The following WDR18 variants were observed in gnomAD, a reference collection of about 807,000 sequenced individuals.
WDR18 encodes the protein WD repeat domain 18, also known as WD repeat-containing protein 18.
A neutral mutation model predicts 49.6 loss-of-function variants in WDR18; 33 were observed. The observed-to-expected ratio is 0.67, with a 90% CI of 0.50 to 0.89. The LOEUF is 0.89. Ranked by LOEUF, WDR18 falls within the 40% of genes least tolerant of loss-of-function variation. WDR18 has a pLI of 0.00. For synonymous variants in WDR18, 315 were observed against 263.6 expected, an observed-to-expected ratio of 1.19 and a Z score of -1.89; for missense variants, 653 against 593.6, an observed-to-expected ratio of 1.10 and a Z score of -1.04.
At chr19:984,272 G>A, upstream of WDR18, 4 of 1,362,706 alleles carry the variant, frequency 2.9e-6, no homozygotes, top group South Asian at 1.7e-5. Context: ...TGGGGCCGCG[G>A]GGCCGCCGCT....
At chr19:985,832 A>G (rs762995049) in intron 1 of WDR18, 33 bp from the exon 2 acceptor site, 7 of 1,608,742 alleles carry the variant, frequency 4.4e-6, no homozygotes, top group Admixed American at 3.3e-5. Flanking sequence ...CGTGTCCTGC[A>G]TGGGGCTCAC....
At chr19:989,575 C>T (rs982742216) in intron 2 of WDR18, among the ~76,000 whole-genome samples, 187 bp from the exon 3 acceptor site, 1 of 152,190 alleles carries the variant, frequency 6.6e-6, no homozygotes, top group Non-Finnish European at 1.5e-5. Flanking sequence ...CAGGCAGGGG[C>T]GCGACGAGGC....
At chr19:987,829 G>GTTTTTTTTTTTTTTGTTTTGTTTTTTT (rs2038490879) in intron 2 of WDR18, among the ~76,000 whole-genome samples, 1 of 91,822 alleles carries the variant, frequency 1.1e-5, no homozygotes, top group African/African-American at 5.3e-5. Context: ...GCCGCCTCCA[G>GTTTTTTTTTTTTTTGTTTTGTTTTTTT]TTTTTTTTTT....
intron 2 of WDR18, among the ~76,000 whole-genome samples, chr19:988,217 C>T (rs2038497146): frequency 1.3e-5 from 2 of 152,098 alleles, no homozygotes; most frequent in Admixed American, 1.3e-4. Context: ...CTCCACTGTA[C>T]CCCCCTGCCA....
chr19:984,589 G>A, intron 1 of WDR18, 26 bp downstream of exon 1: 1 of 1,399,638 alleles, frequency 7.1e-7, no homozygotes, highest in East Asian at 3.0e-5. Flanking sequence ...CTCGCTGCTG[G>A]GGTCATGGGG....
Position 994,369 on chromosome 19 carries a change from G to A in WDR18, c.*25G>A, listed in dbSNP as rs765319602. 8.9e-5 allele frequency: 141 copies of A among 1,589,740 alleles called. No homozygotes were observed. Among genetic ancestry groups the A allele is most frequent in the Non-Finnish European group, 1.1e-4 (128 of 1,170,788 alleles). On this transcript the variant is annotated 3_prime_UTR_variant, in exon 10 of 10. Transcript: ENST00000585809. ...AGGCCCGGAGACCCCGGCCCGAGGC[G>A]CCCAGGCCTGAGCCCCATGCCTCCC...
At chr19:989,353 A>C (rs1366819996) in intron 2 of WDR18, among the ~76,000 whole-genome samples, 1 of 151,936 alleles carries the variant, frequency 6.6e-6, no homozygotes, top group Non-Finnish European at 1.5e-5. Flanking sequence ...TCAGGCCACC[A>C]CAGCCTGCCC....
chr19:991,886 C>T lies in WDR18; in HGVS notation c.932-69C>T, dbSNP rs1327477541. The T allele has an allele frequency of 1.8e-5, 24 of 1,319,828 alleles. No homozygotes were observed. In the African/African-American group the frequency reaches 2.9e-4, roughly 16 times the overall value. 81.8% of individuals were successfully genotyped at this position (1,319,828 alleles called of 1,614,324 possible). A position where few individuals can be genotyped will look rare whatever the true frequency, so the allele number is the denominator to read the frequency against. Reference sequence around the variant, plus strand: ...GGGGCGGGGACTGCCCTGGATGGGGCGGAACTTGGCTTGCTGTGGGGTGGG... The same window carrying T: ...GGGGCGGGGACTGCCCTGGATGGGGTGGAACTTGGCTTGCTGTGGGGTGGG... On this transcript the variant is annotated intron_variant, in intron 7 of 9. Transcript: ENST00000585809.
intron 8 of WDR18, among the ~76,000 whole-genome samples, chr19:992,829 G>A (rs560465390): frequency 1.6e-4 from 24 of 152,362 alleles, no homozygotes; most frequent in African/African-American, 5.1e-4. Flanking sequence ...AGCTGCCTGC[G>A]TCCTTGGTGT....
Position 994,372 on chromosome 19 carries a change from C to G in WDR18, c.*28C>G. On this transcript the variant is annotated 3_prime_UTR_variant, in exon 10 of 10. Transcript: ENST00000585809. ...CCCGGAGACCCCGGCCCGAGGCGCC[C>G]AGGCCTGAGCCCCATGCCTCCCAGC... The G allele has an allele frequency of 6.3e-7, 1 of 1,584,950 alleles. No homozygotes were observed. The highest frequency in any genetic ancestry group is 8.6e-7 in the Non-Finnish European group (1 of 1,167,862).
At chr19:984,252 G>T (rs1027082690), upstream of WDR18, 2 of 1,224,626 alleles carry the variant, frequency 1.6e-6, no homozygotes, top group Non-Finnish European at 1.1e-6. Flanking sequence ...TGCGCGGGTC[G>T]GCCACCCGCT....
chr19:983,758 G>A (rs901559784), upstream of WDR18, among the ~76,000 whole-genome samples: 1 of 151,868 alleles, frequency 6.6e-6, no homozygotes, highest in African/African-American at 2.4e-5. Context: ...GGAAACACTG[G>A]GCCGGGCGCG....
chr19:992,153 C>T (rs1366678555), intron 8 of WDR18, 32 bp downstream of exon 8: 2 of 1,424,402 alleles, frequency 1.4e-6, no homozygotes, highest in Non-Finnish European at 1.8e-6. Flanking sequence ...CCCCACTGCC[C>T]TTTTGTCCCG....
chr19:991,176 C>T, intron 6 of WDR18, 31 bp downstream of exon 6: 4 of 1,512,880 alleles, frequency 2.6e-6, no homozygotes, highest in Non-Finnish European at 2.6e-6. Context: ...CGGGGGCTCC[C>T]AGGCACGTCC....
At chr19:992,256 G>C in intron 8 of WDR18, 135 bp downstream of exon 8, 1 of 1,138,132 alleles carries the variant, frequency 8.8e-7, no homozygotes, top group South Asian at 1.9e-5. Context: ...GGCGCGTCCT[G>C]TGAGTGGGAT....
chr19:994,194 AC>A lies in WDR18; in HGVS notation c.1168-15del. Reference sequence around the variant, plus strand: ...CACCCCAGGCCACTTCTGCCCTCTGACCCCGACTTCTCCCGCAGAGCGTGCT... The same window carrying A: ...CACCCCAGGCCACTTCTGCCCTCTGACCCGACTTCTCCCGCAGAGCGTGCT... On this transcript the variant is annotated intron_variant, in intron 9 of 9. Transcript: ENST00000585809. The A allele has an allele frequency of 6.3e-7, 1 of 1,588,058 alleles. No homozygotes were observed. Among genetic ancestry groups the A allele is most frequent in the Non-Finnish European group, 8.5e-7 (1 of 1,170,404 alleles).
intron 3 of WDR18, 75 bp downstream of exon 3, chr19:989,970 C>T (rs2038522345): frequency 7.2e-6 from 11 of 1,525,732 alleles, no homozygotes; most frequent in Non-Finnish European, 8.8e-6. Flanking sequence ...CGCCAAGGCC[C>T]CTGGCGGGAA....
chr19:992,059 G>C lies in WDR18; in HGVS notation c.1036G>C (p.Ala346Pro). The stretch of plus-strand genomic sequence containing the variant: ...CCACTTCAACAAGCACCTGCTGGGC[G>C]CCGAGCACGGGGACGAGCCGCGCCA... ...LPHFNKHLLG[A>P]EHGDEPRHGG... The change falls in exon 8 of 10, where the codon GCC becomes CCC. Residue 346 changes from alanine (A) to proline (P), a missense_variant. By Grantham distance (27) the Ala-to-Pro change is conservative (BLOSUM62 -1). Transcript: ENST00000585809. 6.4e-7 allele frequency: 1 copy of C among 1,574,008 alleles called. No homozygotes were observed. Among genetic ancestry groups the C allele is most frequent in the South Asian group, 1.1e-5 (1 of 87,332 alleles).
chr19:984,437 C>A lies in WDR18; in HGVS notation c.84C>A (p.Gly28=). 6.2e-7 allele frequency: 1 copy of A among 1,600,264 alleles called. No homozygotes were observed. The highest frequency in any genetic ancestry group is 1.1e-5 in the South Asian group (1 of 88,684). The change falls in exon 1 of 10, where the codon GGC becomes GGA. Residue 28 remains glycine, a synonymous_variant. Transcript: ENST00000585809. ...WSCIVWELHS[G]ANLLTYRGGQ... ...GCATCGTGTGGGAACTTCACTCGGG[C>A]GCCAACCTGCTCACCTACCGCGGCG...
Sources: gnomAD v4.1 joint callset for allele counts (sites outside exome capture counted in the v4.1 genomes callset) on GRCh38, gnomAD v4.1.1 for gene constraint, MANE v1.5 for transcripts, NCBI Gene and HGNC (gene_info 2026-07-23, HGNC 2026-07-21) for gene names.